The following EXD3 variants were observed in gnomAD, a reference collection of about 807,000 sequenced individuals.
The protein encoded by EXD3 is exonuclease mut-7 homolog.
A neutral mutation model predicts 98.0 loss-of-function variants in EXD3; 92 were observed. That is an observed-to-expected ratio of 0.94 (90% CI 0.79 to 1.12). The LOEUF (loss-of-function observed/expected upper bound fraction) is 1.12, where lower values mean the gene tolerates loss of function less well. Ranked by LOEUF, EXD3 falls within the 50% of genes most tolerant of loss-of-function variation. The probability of loss-of-function intolerance (pLI) is 0.00; values close to 1 mark genes in which losing one functional copy is unlikely to be tolerated. For synonymous variants in EXD3, 569 were observed against 526.0 expected, an observed-to-expected ratio of 1.08 and a Z score of -1.12; for missense variants, 1,222 against 1,191.6, an observed-to-expected ratio of 1.03 and a Z score of -0.38.
At position 137,383,797 on chromosome 9, in the gene EXD3, C is replaced by T. The variant is rs369928572; in HGVS notation, c.56-420G>A. On this transcript the variant is annotated intron_variant, in intron 2 of 21. Transcript: ENST00000340951. Reference sequence around the variant, plus strand: ...CACCACGAGGACCCCAAGCCCCTGCCCTCTTTAGGTTTCGGTCCCCGGCCC... The same window carrying T: ...CACCACGAGGACCCCAAGCCCCTGCTCTCTTTAGGTTTCGGTCCCCGGCCC... 4.5e-3 allele frequency among the ~76,000 whole-genome samples: 686 copies of T among 152,368 alleles called. 2 individuals carry two copies. Among genetic ancestry groups the T allele is most frequent in the South Asian group, 0.012 (58 of 4,832 alleles).
intron 5 of EXD3, among the ~76,000 whole-genome samples, 173 bp from the exon 6 acceptor site, chr9:137,368,162 A>G (rs755984924): frequency 6.6e-6 from 1 of 152,126 alleles, no homozygotes; most frequent in African/African-American, 2.4e-5. Flanking sequence ...CCTGGCAGAC[A>G]AGCCCCCCCG....
chr9:137,372,673 C>A (rs1835691521), intron 5 of EXD3, among the ~76,000 whole-genome samples: 1 of 152,220 alleles, frequency 6.6e-6, no homozygotes, highest in Non-Finnish European at 1.5e-5. Flanking sequence ...AGACCCAGGC[C>A]TGGGACCAGG....
chr9:137,333,153 G>A (rs184434150), intron 17 of EXD3, among the ~76,000 whole-genome samples: 120 of 152,234 alleles, frequency 7.9e-4, no homozygotes, highest in Middle Eastern at 3.4e-3. Context: ...TCCTGTCCTC[G>A]AACATCAGAC....
intron 2 of EXD3, among the ~76,000 whole-genome samples, chr9:137,387,808 G>A (rs998152967): frequency 1.2e-4 from 18 of 152,220 alleles, no homozygotes; most frequent in African/African-American, 3.9e-4. Context: ...GCTTCTGGGG[G>A]CCTTTGGTCC....
chr9:137,379,233 T>G (rs796851430), intron 3 of EXD3, among the ~76,000 whole-genome samples: 35 of 774 alleles, frequency 0.045, no homozygotes, highest in African/African-American at 0.11. Context: ...CGGTGACCGT[T>G]GCCTGGGGCC....
chr9:137,315,624 G>T (rs757937908), intron 19 of EXD3, among the ~76,000 whole-genome samples: 1 of 152,042 alleles, frequency 6.6e-6, no homozygotes, highest in African/African-American at 2.4e-5. Flanking sequence ...CCCGGGGGAG[G>T]GGGCAGCAGG....
At chr9:137,354,840 G>A (rs936389089) in intron 8 of EXD3, 67 bp from the exon 9 acceptor site, 152 of 1,500,134 alleles carry the variant, frequency 1.0e-4, no homozygotes, top group East Asian at 1.6e-4. Context: ...CTTCTGGGGC[G>A]GGCTGGAGAC....
In EXD3 at chr9:137,372,926, G is replaced by A. The variant is rs745784222; in HGVS notation, c.441C>T (p.His147=). The change falls in exon 5 of 22, where the codon CAC becomes CAT. Residue 147 remains histidine (H), a synonymous_variant. Transcript: ENST00000340951. ...SCLLAHVHRL[H]HEGRFREAAT... is the part of the protein sequence containing the mutation. ...TCACTTCTCTGAACCTGCCCTCGTG[G>A]TGGAGGCGGTGGACGTGTGCCAGCA... 6.3e-7 allele frequency: 1 copy of A among 1,599,950 alleles called. No individual in the cohort carries two copies. The highest frequency in any genetic ancestry group is 8.5e-7 in the Non-Finnish European group (1 of 1,179,688).
At chr9:137,396,535 C>T (rs548177145) in intron 1 of EXD3, among the ~76,000 whole-genome samples, 41 of 152,294 alleles carry the variant, frequency 2.7e-4, no homozygotes, top group South Asian at 6.2e-4. Context: ...CTCAGCCACA[C>T]GCGGCACAGT....
chr9:137,393,048 G>A lies in EXD3; in HGVS notation c.55+2255C>T. On this transcript the variant is annotated intron_variant, in intron 2 of 21. Transcript: ENST00000340951. The surrounding 1 kb of genome is among the most constrained non-coding windows in gnomAD (Gnocchi z 4.6). ...GGGAGGGCCATTAGTGTTCCAGGGG[G>A]TGCTGAGGCTGTTCCAGGGGGCACC... 4.6e-6 allele frequency: 3 copies of A among 655,348 alleles called. No homozygotes were observed. In the East Asian group the frequency reaches 8.3e-5, roughly 18 times the overall value. The allele number at this position is 655,348 out of a possible 1,614,324, so 40.6% of individuals were successfully genotyped here. A position where few individuals can be genotyped will look rare whatever the true frequency, so the allele number is the denominator to read the frequency against.
chr9:137,334,935 G>T (rs540205637), intron 17 of EXD3, among the ~76,000 whole-genome samples: 1 of 152,104 alleles, frequency 6.6e-6, no homozygotes, highest in Non-Finnish European at 1.5e-5. Context: ...AAATGAGCCG[G>T]GCATGGTGGC....
Position 137,371,753 on chromosome 9 carries a change from C to G in EXD3, c.462+1152G>C, listed in dbSNP as rs74992300. 0.025 allele frequency among the ~76,000 whole-genome samples: 3,761 copies of G among 151,892 alleles called. 151 individuals carry two copies. Among genetic ancestry groups the G allele is most frequent in the African/African-American group, 0.086 (3,559 of 41,424 alleles). ...CAAGCACCCCCGGGCCGAGCACCCCCAAGCAGGACATCCCCTGGCAGGACA... is the reference window on the plus strand; with the variant it reads ...CAAGCACCCCCGGGCCGAGCACCCCGAAGCAGGACATCCCCTGGCAGGACA... On this transcript the variant is annotated intron_variant, in intron 5 of 21. Transcript: ENST00000340951. The surrounding 1 kb of genome is among the most constrained non-coding windows in gnomAD (Gnocchi z 8.0).
Position 137,338,730 on chromosome 9 carries a change from C to CA in EXD3, c.1998+9340dup, listed in dbSNP as rs773079416. Among the ~76,000 whole-genome samples, 706 of 80,496 alleles carry CA rather than the reference C, an allele frequency of 8.8e-3. 6 individuals carry two copies. Among genetic ancestry groups the CA allele is most frequent in the Middle Eastern group, 0.05 (8 of 160 alleles). The allele number at this position is 80,496 out of a possible 152,430, so 52.8% of individuals were successfully genotyped here. On this transcript the variant is annotated intron_variant, in intron 17 of 21. Coordinates refer to ENST00000340951, the MANE Select transcript of EXD3 (RefSeq NM_017820.5). ...TGAAACCCCGTCTCTACTAAAAATA[C>CA]AAAAAAAAAAAAAAAAGCTGGGAGT...
intron 7 of EXD3, among the ~76,000 whole-genome samples, chr9:137,358,762 C>G (rs1834915767): frequency 6.6e-6 from 1 of 152,072 alleles, no homozygotes; most frequent in African/African-American, 2.4e-5. Flanking sequence ...GATCAAGGCT[C>G]ACTGCAGCCT....
chr9:137,382,966 C>A (rs79200544), intron 3 of EXD3, among the ~76,000 whole-genome samples: 4 of 152,232 alleles, frequency 2.6e-5, no homozygotes, highest in Non-Finnish European at 4.4e-5. Flanking sequence ...AGTGGCCACC[C>A]GGGCCTGGGT....
chr9:137,308,215 CA>C (rs1324876743), intron 20 of EXD3, among the ~76,000 whole-genome samples: 1 of 152,176 alleles, frequency 6.6e-6, no homozygotes, highest in Non-Finnish European at 1.5e-5. Flanking sequence ...GAACACTGGC[CA>C]GCAGGTGGGA....
rs941626041 is a variant in EXD3 at position 137,366,590 on chromosome 9, C to T, written c.559G>A (p.Glu187Lys). Residue 187 changes from glutamate to lysine, a missense_variant, in exon 7 of 22, where the codon GAG (glutamate) becomes AAG (lysine). By Grantham distance (56) the Glu-to-Lys change is moderately conservative. Transcript: ENST00000340951. ...LLLQDKVALV[E>K]RYVAGFPDLQ... ...TCCGGGAAGCCGGCCACATAGCGCT[C>T]CACGAGGGCCACCTTGTCCTGGAGG... The T allele has an allele frequency of 7.7e-6, 12 of 1,554,910 alleles. No individual in the cohort carries two copies. Among genetic ancestry groups the T allele is most frequent in the Non-Finnish European group, 1.0e-5 (12 of 1,150,026 alleles).
At position 137,307,754 on chromosome 9, in the gene EXD3, G is replaced by A. The variant is rs547503403; in HGVS notation, c.2279-108C>T. ...CGGCTGAGCACAGTCACCTCATGGG[G>A]TGCAGCCTCTTCACACACCCCCCAG... On this transcript the variant is annotated intron_variant, in intron 20 of 21. Coordinates refer to ENST00000340951, the MANE Select transcript of EXD3 (RefSeq NM_017820.5). The A allele has an allele frequency of 1.0e-4, 125 of 1,255,706 alleles. No individual in the cohort carries two copies. In the African/African-American group the frequency reaches 1.7e-3, roughly 17 times the overall value. 77.8% of individuals were successfully genotyped at this position (1,255,706 alleles called of 1,614,324 possible).
chr9:137,399,981 G>A (rs549071642), intron 1 of EXD3, among the ~76,000 whole-genome samples: 2 of 144,004 alleles, frequency 1.4e-5, no homozygotes, highest in African/African-American at 5.2e-5. Flanking sequence ...AGTGAGCTGA[G>A]ACTGCACCAT....
Sources: gnomAD v4.1 joint callset for allele counts (sites outside exome capture counted in the v4.1 genomes callset) on GRCh38, gnomAD v4.1.1 for gene constraint, Gnocchi (gnomAD v3.1) non-coding constraint, MANE v1.5 for transcripts, NCBI Gene and HGNC (gene_info 2026-07-23, HGNC 2026-07-21) for gene names.